Variants in DMD observed in about 807,000 individuals in gnomAD.
The protein encoded by DMD is mutant dystrophin.
In DMD, 63 loss-of-function variants were observed where a neutral mutation model predicts 330.1. That is an observed-to-expected ratio of 0.19 (90% confidence interval 0.16 to 0.24). DMD has a LOEUF of 0.24. Ranked by LOEUF, DMD falls within the 10% of genes least tolerant of loss-of-function variation. The probability of loss-of-function intolerance (pLI) is 1.00; values close to 1 mark genes in which losing one functional copy is unlikely to be tolerated. For missense variants in DMD, 3,344 were observed against 2,684.1 expected (o/e 1.25, Z -5.43); for synonymous variants, 1,223 against 959.8 (o/e 1.27, Z -5.07).
At chrX:32,820,263 C>T (rs999646731) in intron 5 of DMD, among the ~76,000 whole-genome samples, 3 of 110,949 alleles carry the variant, frequency 2.7e-5, no homozygotes, top group African/African-American at 9.8e-5. Flanking sequence ...CACGGTGAAA[C>T]CCCATCTCTA....
intron 17 of DMD, among the ~76,000 whole-genome samples, chrX:32,538,607 G>A (rs1367972865): frequency 1.8e-5 from 2 of 111,323 alleles, no homozygotes; most frequent in African/African-American, 6.5e-5. Flanking sequence ...CTTTATGGGG[G>A]CTGTCATAAG....
chrX:31,491,057 C>T (rs924787456), intron 57 of DMD, among the ~76,000 whole-genome samples: 14 of 112,309 alleles, frequency 1.2e-4, no homozygotes, highest in African/African-American at 4.5e-4. Context: ...AAATCTTAAC[C>T]AGAAAATCTC....
At chrX:31,670,221 G>A in intron 53 of DMD, among the ~76,000 whole-genome samples, 1 of 110,984 alleles carries the variant, frequency 9.0e-6, no homozygotes. Flanking sequence ...CTAATTACAA[G>A]GTCATGTTGT....
chrX:32,401,570 G>A (rs2098086403), intron 30 of DMD, among the ~76,000 whole-genome samples: 1 of 111,437 alleles, frequency 9.0e-6, no homozygotes, highest in African/African-American at 3.3e-5. Flanking sequence ...GGCTGGGAAG[G>A]GTAGTCAGGG....
intron 47 of DMD, among the ~76,000 whole-genome samples, chrX:31,902,199 T>TA (rs1569505794): frequency 8.9e-6 from 1 of 111,939 alleles, no homozygotes; most frequent in African/African-American, 3.2e-5. Context: ...TTCTCTTCGT[T>TA]AGAGATGACT....
intron 4 of DMD, among the ~76,000 whole-genome samples, chrX:32,835,553 G>A (rs1013044519): frequency 7.1e-5 from 8 of 112,470 alleles, no homozygotes; most frequent in African/African-American, 2.3e-4. Flanking sequence ...ATTGACAGCA[G>A]GGATAACTTC....
At chrX:32,894,787 A>G (rs1276217061) in intron 2 of DMD, among the ~76,000 whole-genome samples, 1 of 112,146 alleles carries the variant, frequency 8.9e-6, no homozygotes, top group Admixed American at 9.4e-5. Context: ...TTGATTACCT[A>G]TCTTACTGGT....
At chrX:32,970,236 A>G (rs1356900695) in intron 2 of DMD, among the ~76,000 whole-genome samples, 1 of 94,643 alleles carries the variant, frequency 1.1e-5, no homozygotes, top group African/African-American at 4.8e-5. Flanking sequence ...TTGCTAAAGA[A>G]TAAGACCTAT....
chrX:32,501,402 T>C (rs1333573234), intron 19 of DMD, among the ~76,000 whole-genome samples: 2 of 112,054 alleles, frequency 1.8e-5, no homozygotes, highest in East Asian at 5.6e-4. Context: ...TAAAATCAGA[T>C]GATGATCAGT....
intron 63 of DMD, among the ~76,000 whole-genome samples, chrX:31,242,697 G>GAT (rs756432911): frequency 1.5e-5 from 1 of 67,086 alleles, no homozygotes; most frequent in Non-Finnish European, 2.8e-5. Flanking sequence ...GCAACAATAA[G>GAT]ATATGTGTGT....
intron 2 of DMD, among the ~76,000 whole-genome samples, chrX:32,974,284 A>G (rs1002912432): frequency 1.8e-5 from 2 of 111,282 alleles, no homozygotes; most frequent in African/African-American, 3.3e-5. Flanking sequence ...GCCAGAGGCT[A>G]GAGGGAGAGA....
chrX:32,146,700 T>C (rs2096779887), intron 44 of DMD, among the ~76,000 whole-genome samples: 1 of 112,223 alleles, frequency 8.9e-6, no homozygotes, highest in African/African-American at 3.2e-5. Flanking sequence ...AATTCATAGA[T>C]TAGATGTAGC....
intron 7 of DMD, among the ~76,000 whole-genome samples, chrX:32,725,628 G>C (rs971569421): frequency 9.0e-6 from 1 of 110,835 alleles, no homozygotes; most frequent in Admixed American, 9.7e-5. Flanking sequence ...GGAGCACCCA[G>C]ATAAATAAAG....
chrX:31,510,066 G>A (rs1196729090), intron 55 of DMD, among the ~76,000 whole-genome samples: 2 of 112,031 alleles, frequency 1.8e-5, no homozygotes, highest in African/African-American at 6.5e-5. Flanking sequence ...GGTCATGATG[G>A]TGATACAGAG....
intron 44 of DMD, among the ~76,000 whole-genome samples, chrX:32,127,502 T>C (rs1276527228): frequency 9.0e-6 from 1 of 111,341 alleles, no homozygotes; most frequent in East Asian, 2.8e-4. Context: ...CTTTGTACTT[T>C]TTTACTTCTC....
chrX:31,846,595 A>G (rs1265972249), intron 48 of DMD, among the ~76,000 whole-genome samples: 2 of 111,981 alleles, frequency 1.8e-5, no homozygotes. Flanking sequence ...AACAAATTCA[A>G]AAGGCTGGAT....
At chrX:31,468,695 T>C (rs1453118533) in intron 59 of DMD, among the ~76,000 whole-genome samples, 2 of 111,664 alleles carry the variant, frequency 1.8e-5, no homozygotes, top group African/African-American at 6.5e-5. Context: ...GGTCCAGAGC[T>C]GAGTTTAAGT....
In DMD at chrX:32,337,508, CT is replaced by C. The variant is rs750412729; in HGVS notation, c.5922+4591del. ...ATTTCTTTTTCTTCACTGAAGTGGG[CT>C]TTTTTTTGTATTTTTTTGCTGCTGT... is the stretch of plus-strand genomic sequence containing the variant. On this transcript the variant is annotated intron_variant, in intron 41 of 78. Coordinates refer to ENST00000357033, the MANE Select transcript of DMD (RefSeq NM_004006.3). Among the ~76,000 whole-genome samples, 10 of 109,037 alleles carry C rather than the reference CT, an allele frequency of 9.2e-5. No homozygotes were observed. The South Asian group carries it at 2.0e-3, about 21-fold the overall frequency. 94.7% of individuals were successfully genotyped at this position (109,037 alleles called of 115,157 possible).
At chrX:33,061,257 C>T (rs1362678055) in intron 1 of DMD, among the ~76,000 whole-genome samples, 1 of 112,393 alleles carries the variant, frequency 8.9e-6, no homozygotes, top group Non-Finnish European at 1.9e-5. Context: ...TGCTCAGGGA[C>T]ACTTACAAAG....
Sources: allele counts gnomAD v4.1 joint callset (sites outside exome capture counted in the v4.1 genomes callset), GRCh38; gene constraint gnomAD v4.1.1; transcripts MANE v1.5; gene names NCBI Gene and HGNC (gene_info 2026-07-23, HGNC 2026-07-21).